PPFIBP2: variants seen among roughly 807,000 people sequenced by gnomAD.
PPFIBP2 encodes PPFIB scaffold protein 2, also known as liprin-beta-2.
A neutral mutation model predicts 118.3 loss-of-function variants in PPFIBP2; 118 were observed. The ratio of observed to expected loss-of-function variants is 1.00; its 90% CI spans 0.86 to 1.16. The LOEUF is 1.16. Among genes scored for constraint, PPFIBP2 ranks in the 50% most tolerant of loss-of-function variants. PPFIBP2 has a pLI of 0.00. For synonymous variants in PPFIBP2, 414 were observed against 397.4 expected (o/e 1.04, Z -0.50); for missense variants, 1,195 against 1,073.1 (o/e 1.11, Z -1.59).
intron 3 of PPFIBP2, among the ~76,000 whole-genome samples, chr11:7,587,522 G>A (rs1858419770): frequency 6.6e-6 from 1 of 152,200 alleles, no homozygotes; most frequent in African/African-American, 2.4e-5. Flanking sequence ...GTTTGAACTA[G>A]GCCAAGAGGG....
chr11:7,666,372 C>A, the PPFIBP2 span: 2 of 924,558 alleles, frequency 2.2e-6, no homozygotes, highest in Admixed American at 1.9e-5. Flanking sequence ...TAAAACAAAA[C>A]AAAGAGACAG....
intron 3 of PPFIBP2, chr11:7,576,313 C>G (rs1346411835): frequency 6.6e-6 from 1 of 152,330 alleles, no homozygotes; most frequent in Non-Finnish European, 1.5e-5. Flanking sequence ...GCACCCACAT[C>G]AAAGGTCACT....
intron 5 of PPFIBP2, chr11:7,606,105 C>T: frequency 7.1e-7 from 1 of 1,405,386 alleles, no homozygotes; most frequent in Admixed American, 2.5e-5. Flanking sequence ...AAGTGAAGAG[C>T]ACTGTCTTAG....
chr11:7,577,335 G>GTT, intron 3 of PPFIBP2: 1 of 332,010 alleles, frequency 3.0e-6, no homozygotes, highest in Non-Finnish European at 6.0e-6. Context: ...GTGTGTGTGT[G>GTT]TGTGTGTGTG....
At chr11:7,603,068 G>A (rs1310321767) in intron 5 of PPFIBP2, among the ~76,000 whole-genome samples, 13 of 152,156 alleles carry the variant, frequency 8.5e-5, no homozygotes, top group African/African-American at 2.9e-4. Context: ...AACTTCCCAG[G>A]AGAGCCTTTA....
intron 3 of PPFIBP2, among the ~76,000 whole-genome samples, chr11:7,580,303 A>G (rs1211764145): frequency 6.6e-6 from 1 of 152,090 alleles, no homozygotes; most frequent in South Asian, 2.1e-4. Context: ...TCCCATCTGC[A>G]TGGCTCACCC....
At chr11:7,608,864 C>T (rs1281597928) in intron 5 of PPFIBP2, among the ~76,000 whole-genome samples, 1 of 152,224 alleles carries the variant, frequency 6.6e-6, no homozygotes, top group East Asian at 1.9e-4. Context: ...TTCTCCATTG[C>T]ATTGGACGCA....
intron 2 of PPFIBP2, among the ~76,000 whole-genome samples, chr11:7,562,429 C>A (rs903932267): frequency 6.6e-6 from 1 of 152,184 alleles, no homozygotes; most frequent in African/African-American, 2.4e-5. Flanking sequence ...TACAATAAAG[C>A]AGAAGGAGTC....
intron 8 of PPFIBP2, among the ~76,000 whole-genome samples, chr11:7,627,520 A>G (rs1162500081): frequency 6.6e-6 from 1 of 152,008 alleles, no homozygotes; most frequent in Admixed American, 6.5e-5. Flanking sequence ...TCTTTGAACA[A>G]TCTAGCTATG....
the PPFIBP2 span, chr11:7,665,855 G>A: frequency 4.6e-6 from 7 of 1,536,080 alleles, no homozygotes; most frequent in Non-Finnish European, 6.1e-6. Context: ...ACAGCCAGCT[G>A]GAGTTGTCCG....
chr11:7,625,197 G>T (rs144753502), intron 7 of PPFIBP2, among the ~76,000 whole-genome samples: 1 of 152,124 alleles, frequency 6.6e-6, no homozygotes, highest in African/African-American at 2.4e-5. Context: ...ATGAGTGAGC[G>T]TGCACACATG....
At chr11:7,620,488 A>G (rs1849214521) in intron 6 of PPFIBP2, among the ~76,000 whole-genome samples, 1 of 152,146 alleles carries the variant, frequency 6.6e-6, no homozygotes, top group Non-Finnish European at 1.5e-5. Flanking sequence ...TCAGGATCAC[A>G]GGCCCCCTCT....
At chr11:7,525,251 G>A (rs569650200) in intron 1 of PPFIBP2, among the ~76,000 whole-genome samples, 7 of 152,114 alleles carry the variant, frequency 4.6e-5, no homozygotes, top group Non-Finnish European at 8.8e-5. Flanking sequence ...CTATTGCTCC[G>A]TACCTCTTTG....
intron 8 of PPFIBP2, among the ~76,000 whole-genome samples, chr11:7,627,139 C>T (rs971893541): frequency 1.3e-5 from 2 of 152,208 alleles, no homozygotes; most frequent in Non-Finnish European, 2.9e-5. Flanking sequence ...GCCTCCCAGG[C>T]CCTACCCCAC....
chr11:7,524,483 G>T (rs1368390620), intron 1 of PPFIBP2, among the ~76,000 whole-genome samples: 1 of 152,184 alleles, frequency 6.6e-6, no homozygotes, highest in Non-Finnish European at 1.5e-5. Flanking sequence ...TTTGACAAAT[G>T]GCTTGTTTCA....
rs552482068 is a variant in PPFIBP2 at position 7,554,229 on chromosome 11, G to A, written c.64+4690G>A. Among the ~76,000 whole-genome samples the A allele has an allele frequency of 2.6e-5, 4 of 152,192 alleles. No individual in the cohort carries two copies. In the East Asian group the frequency reaches 7.7e-4, roughly 29 times the overall value. ...GAATGTATTTTCTCACAGTTACCACGTATTTCAACGGAAAAAACCTTTATG... is the reference window on the plus strand; with the variant it reads ...GAATGTATTTTCTCACAGTTACCACATATTTCAACGGAAAAAACCTTTATG... On this transcript the variant is annotated intron_variant, in intron 2 of 23. Transcript: ENST00000299492.
intron 3 of PPFIBP2, among the ~76,000 whole-genome samples, chr11:7,584,311 G>A (rs2135085934): frequency 6.6e-6 from 1 of 152,306 alleles, no homozygotes; most frequent in East Asian, 1.9e-4. Flanking sequence ...TTCCTTAAAA[G>A]AGGACATTTA....
intron 1 of PPFIBP2, among the ~76,000 whole-genome samples, chr11:7,547,774 G>T (rs1443979530): frequency 6.6e-6 from 1 of 152,046 alleles, no homozygotes; most frequent in East Asian, 1.9e-4. Flanking sequence ...AGCTAACTGT[G>T]CAGTGGTTCT....
intron 7 of PPFIBP2, among the ~76,000 whole-genome samples, chr11:7,624,483 C>T (rs982666589): frequency 6.6e-6 from 1 of 152,198 alleles, no homozygotes; most frequent in Non-Finnish European, 1.5e-5. Flanking sequence ...CATTTAATTA[C>T]TTGGGGTTGG....
Sources: allele counts gnomAD v4.1 joint callset (sites outside exome capture counted in the v4.1 genomes callset), GRCh38; gene constraint gnomAD v4.1.1; transcripts MANE v1.5; gene names NCBI Gene and HGNC (gene_info 2026-07-23, HGNC 2026-07-21).